CALN1: variants seen among roughly 807,000 people sequenced by gnomAD.
CALN1 encodes the protein calcium-binding protein 8.
CALN1 carries 17 observed loss-of-function variants against 30.6 expected under a neutral mutation model. The ratio of observed to expected loss-of-function variants is 0.56; its 90% CI spans 0.38 to 0.83. The LOEUF is 0.83. CALN1 is among the 40% of genes least tolerant of loss of function. The pLI, the probability that CALN1 is intolerant of heterozygous loss-of-function variation, is 0.00. For synonymous variants in CALN1, 156 were observed against 131.4 expected, an observed-to-expected ratio of 1.19 and a Z score of -1.28; for missense variants, 291 against 354.9, an observed-to-expected ratio of 0.82 and a Z score of 1.45.
chr7:71,788,456 G>C (rs1793102615), intron 6 of CALN1, among the ~76,000 whole-genome samples: 1 of 150,224 alleles, frequency 6.7e-6, no homozygotes, highest in African/African-American at 2.5e-5. Flanking sequence ...CGTTGGACAA[G>C]CAGCATCCCC....
chr7:72,450,542 G>A (rs376266508), upstream of CALN1, among the ~76,000 whole-genome samples: 2 of 152,120 alleles, frequency 1.3e-5, no homozygotes, highest in East Asian at 3.9e-4. Flanking sequence ...TTCCTACTAC[G>A]TCCTCCTCAA....
chr7:72,208,636 T>C (rs910173751), intron 3 of CALN1, among the ~76,000 whole-genome samples: 2 of 152,236 alleles, frequency 1.3e-5, no homozygotes, highest in African/African-American at 4.8e-5. Flanking sequence ...TCCTTCTTCT[T>C]GCTTTTCCGT....
At chr7:71,814,922 C>T (rs1184225225) in intron 5 of CALN1, among the ~76,000 whole-genome samples, 2 of 151,848 alleles carry the variant, frequency 1.3e-5, no homozygotes, top group Non-Finnish European at 2.9e-5. Flanking sequence ...TAATCTCCGC[C>T]TCCTGGGTTC....
chr7:71,842,647 T>C (rs548532136), intron 5 of CALN1, among the ~76,000 whole-genome samples: 1 of 152,312 alleles, frequency 6.6e-6, no homozygotes, highest in Admixed American at 6.5e-5. Context: ...CACCGATGCC[T>C]GCAAGCTGTG....
At chr7:72,155,504 A>AAG (rs1554458450) in intron 3 of CALN1, among the ~76,000 whole-genome samples, 2 of 151,520 alleles carry the variant, frequency 1.3e-5, no homozygotes, top group African/African-American at 4.8e-5. Flanking sequence ...AAAAAAAAAA[A>AAG]AGAGAGAGAG....
At chr7:72,020,746 T>C (rs890773031) in intron 5 of CALN1, among the ~76,000 whole-genome samples, 5 of 152,222 alleles carry the variant, frequency 3.3e-5, no homozygotes, top group Admixed American at 6.5e-5. Context: ...GTGAGCATTA[T>C]AGCATGTCTG....
chr7:72,276,189 G>A (rs1797321497), intron 3 of CALN1, among the ~76,000 whole-genome samples: 1 of 152,130 alleles, frequency 6.6e-6, no homozygotes, highest in African/African-American at 2.4e-5. Flanking sequence ...TGCACGCATG[G>A]GGGACTCCCA....
At chr7:71,888,532 A>G (rs1793054713) in intron 5 of CALN1, among the ~76,000 whole-genome samples, 1 of 152,146 alleles carries the variant, frequency 6.6e-6, no homozygotes, top group South Asian at 2.1e-4. Context: ...CCTATGTCCA[A>G]TACAGCCAAA....
chr7:72,241,389 T>TC (rs965916152), intron 3 of CALN1, among the ~76,000 whole-genome samples: 63 of 152,046 alleles, frequency 4.1e-4, no homozygotes, highest in African/African-American at 1.2e-3. Context: ...CATTCTGTTT[T>TC]CCCCCCCACA....
At chr7:72,317,195 G>C (rs1399670936) in intron 2 of CALN1, among the ~76,000 whole-genome samples, 3 of 134,202 alleles carry the variant, frequency 2.2e-5, no homozygotes, top group Non-Finnish European at 4.8e-5. Flanking sequence ...CAGGAGGGGA[G>C]GGAAGGAGGG....
chr7:72,250,836 C>G (rs775543006), intron 3 of CALN1, among the ~76,000 whole-genome samples: 20 of 152,148 alleles, frequency 1.3e-4, no homozygotes, highest in Non-Finnish European at 2.9e-4. Flanking sequence ...CCTGCAGAAC[C>G]ATGAGCCAAA....
At chr7:72,010,995 A>G (rs542269957) in intron 5 of CALN1, among the ~76,000 whole-genome samples, 1 of 151,760 alleles carries the variant, frequency 6.6e-6, no homozygotes, top group African/African-American at 2.4e-5. Context: ...TCTTCTAAAA[A>G]TACAAAAATT....
intron 5 of CALN1, among the ~76,000 whole-genome samples, chr7:71,958,088 GAAA>G (rs1453212165): frequency 8.0e-6 from 1 of 125,370 alleles, no homozygotes; most frequent in Non-Finnish European, 1.7e-5. Context: ...AAAAAAGAAA[GAAA>G]GAAAAAAAAA....
chr7:72,201,846 G>T (rs1248879942), intron 3 of CALN1, among the ~76,000 whole-genome samples: 3 of 151,924 alleles, frequency 2.0e-5, no homozygotes, highest in African/African-American at 7.3e-5. Flanking sequence ...CTTAGAAGTG[G>T]AACTCACCAT....
intron 6 of CALN1, among the ~76,000 whole-genome samples, chr7:71,788,479 T>C: frequency 7.8e-6 from 1 of 128,446 alleles, no homozygotes. Context: ...TACTAAGAGG[T>C]TTTTTTTTGT....
the CALN1 span, among the ~76,000 whole-genome samples, chr7:72,452,655 G>C: frequency 6.6e-6 from 1 of 152,132 alleles, no homozygotes; most frequent in Non-Finnish European, 1.5e-5. Flanking sequence ...AAATGACCCA[G>C]CCTCAGGTAC....
intron 2 of CALN1, among the ~76,000 whole-genome samples, chr7:72,360,681 ATATG>A (rs1017577470): frequency 6.7e-6 from 1 of 148,762 alleles, no homozygotes; most frequent in Non-Finnish European, 1.5e-5. Flanking sequence ...GTATGTATAC[ATATG>A]TAACATGTAA....
At chr7:71,817,295 T>C (rs1222310269) in intron 5 of CALN1, among the ~76,000 whole-genome samples, 1 of 152,208 alleles carries the variant, frequency 6.6e-6, no homozygotes, top group Non-Finnish European at 1.5e-5. Context: ...TCCTGCAATT[T>C]TAAATTCCTC....
At chr7:72,007,705 C>T (rs942166135) in intron 5 of CALN1, among the ~76,000 whole-genome samples, 2 of 152,150 alleles carry the variant, frequency 1.3e-5, no homozygotes, top group Non-Finnish European at 2.9e-5. Flanking sequence ...AACATCTGCG[C>T]TCTATGCAAG....
Sources: allele counts gnomAD v4.1 joint callset (sites outside exome capture counted in the v4.1 genomes callset), GRCh38; gene constraint gnomAD v4.1.1; transcripts MANE v1.5; gene names NCBI Gene and HGNC (gene_info 2026-07-23, HGNC 2026-07-21).